The following TINCR variants were observed in gnomAD, a reference collection of about 807,000 sequenced individuals.
The protein encoded by TINCR is TINCR-encoded ubiquitin-like protein.
chr19:5,562,419 T>C (rs1465170613), downstream of TINCR: 1 of 152,504 alleles, frequency 6.6e-6, no homozygotes, highest in East Asian at 1.9e-4. The surrounding 1 kb of genome is among the most constrained non-coding windows in gnomAD (Gnocchi z 4.4). Context: ...TCCTTGCCTC[T>C]GCTCACGATT....
intron 1 of TINCR, among the ~76,000 whole-genome samples, chr19:5,566,577 A>G (rs2052130576): frequency 6.6e-6 from 1 of 151,886 alleles, no homozygotes; most frequent in African/African-American, 2.4e-5. Context: ...AGGGACACAG[A>G]GACAGAGACA....
At chr19:5,566,217 CACCAGAGAGATAAAG>C (rs2052127875) in intron 1 of TINCR, among the ~76,000 whole-genome samples, 6 of 151,934 alleles carry the variant, frequency 3.9e-5, no homozygotes, top group Non-Finnish European at 7.4e-5. Context: ...AATGCAGAGA[CACCAGAGAGATAAAG>C]AGACACAGAC....
downstream of TINCR, chr19:5,561,120 G>A (rs2052099983): frequency 6.5e-6 from 1 of 153,938 alleles, no homozygotes; most frequent in South Asian, 2.1e-4. Context: ...CCCCTTCTGT[G>A]CTTCTCTTCT....
exon 1 of TINCR, chr19:5,567,691 C>G (rs1445164412): frequency 2.6e-6 from 1 of 387,386 alleles, no homozygotes; most frequent in Non-Finnish European, 4.6e-6. Context: ...GCAGCAGCAC[C>G]GAGCCGTCCT....
chr19:5,565,260 A>G lies in TINCR; in HGVS notation c.261-2311T>C, dbSNP rs1599203885. Among the ~76,000 whole-genome samples, 1 of 151,802 alleles carries G rather than the reference A, an allele frequency of 6.6e-6. No individual in the cohort carries two copies. The highest frequency in any genetic ancestry group is 6.6e-5 in the Admixed American group (1 of 15,230). On this transcript the variant is annotated intron_variant, in intron 1 of 1. Coordinates refer to ENST00000646160, the Ensembl canonical transcript of TINCR. This position sits in a 1 kb window ranked among gnomAD's most constrained non-coding sequence, Gnocchi z 4.0. The stretch of plus-strand genomic sequence containing the variant: ...ACAGGCTGTTCCTACTGCCTGGAAC[A>G]CCCTTCCCTGACTCTCTGTTTAACC...
downstream of TINCR, chr19:5,562,010 C>T (rs941331781): frequency 5.9e-5 from 9 of 152,588 alleles, no homozygotes; most frequent in African/African-American, 2.2e-4. This position sits in a 1 kb window ranked among gnomAD's most constrained non-coding sequence, Gnocchi z 4.4. Flanking sequence ...CTCTCTGGGC[C>T]TCAGTTTCCC....
At chr19:5,566,619 G>A (rs1432865925) in intron 1 of TINCR, among the ~76,000 whole-genome samples, 1 of 151,766 alleles carries the variant, frequency 6.6e-6, no homozygotes, top group East Asian at 1.9e-4. Flanking sequence ...AGCAGAGACA[G>A]AGACAAATGG....
chr19:5,566,975 G>C (rs2052133085), intron 1 of TINCR, among the ~76,000 whole-genome samples: 1 of 151,628 alleles, frequency 6.6e-6, no homozygotes, highest in African/African-American at 2.4e-5. Context: ...CAGAGACAGA[G>C]ACAATCACAG....
chr19:5,566,734 G>A (rs191937655), intron 1 of TINCR, among the ~76,000 whole-genome samples: 74 of 151,128 alleles, frequency 4.9e-4, no homozygotes, highest in Admixed American at 1.1e-3. Flanking sequence ...GACACAGAGA[G>A]ACACAAGGAG....
At chr19:5,566,874 G>C (rs2052132562) in intron 1 of TINCR, among the ~76,000 whole-genome samples, 1 of 151,748 alleles carries the variant, frequency 6.6e-6, no homozygotes, top group Admixed American at 6.6e-5. Flanking sequence ...AGACAGAAAA[G>C]AGAGAGGGAG....
rs889995104 is a variant in TINCR, at chr19:5,563,486, T to C, written c.261-537A>G. Among the ~76,000 whole-genome samples the C allele has an allele frequency of 6.6e-6, 1 of 152,172 alleles. No homozygotes were observed. Among genetic ancestry groups the C allele is most frequent in the Non-Finnish European group, 1.5e-5 (1 of 68,030 alleles). Reference sequence around the variant, plus strand: ...TCAATAAAATCAGAATAATAACAACTGTTCCCACTAATGGAGCAGGGAGAA... The same window carrying C: ...TCAATAAAATCAGAATAATAACAACCGTTCCCACTAATGGAGCAGGGAGAA... On this transcript the variant is annotated intron_variant, in intron 1 of 1. Transcript: ENST00000646160. This position sits in a 1 kb window ranked among gnomAD's most constrained non-coding sequence, Gnocchi z 4.7.
Position 5,565,455 on chromosome 19 carries a change from G to A in TINCR, c.260+2210C>T, listed in dbSNP as rs1327163746. On this transcript the variant is annotated intron_variant, in intron 1 of 1. Coordinates refer to ENST00000646160, the Ensembl canonical transcript of TINCR. This position sits in a 1 kb window ranked among gnomAD's most constrained non-coding sequence, Gnocchi z 4.0. ...TGAAGGCGAAATCTGGTCTCTCTGG[G>A]TCACTGCTGAATTTCAGTGTCCAGC... 1.3e-5 allele frequency among the ~76,000 whole-genome samples: 2 copies of A among 152,150 alleles called. No individual in the cohort carries two copies.
downstream of TINCR, chr19:5,561,255 G>A (rs1481395789): frequency 6.5e-6 from 1 of 153,886 alleles, no homozygotes; most frequent in African/African-American, 2.4e-5. Context: ...GAGCTGAAAG[G>A]CTCAAGGCTC....
At position 5,564,916 on chromosome 19, in the gene TINCR, A is replaced by G. The variant is rs969487375; in HGVS notation, c.261-1967T>C. Among the ~76,000 whole-genome samples the G allele has an allele frequency of 3.9e-5, 6 of 152,132 alleles. No homozygotes were observed. In the South Asian group the frequency reaches 1.2e-3, roughly 32 times the overall value. On this transcript the variant is annotated intron_variant, in intron 1 of 1. Transcript: ENST00000646160. ...CTGAAGGCTTCTGTTCTCTGCCTCCAGCATGGCTCACTGGGACCTCACCCT... is the reference window on the plus strand; with the variant it reads ...CTGAAGGCTTCTGTTCTCTGCCTCCGGCATGGCTCACTGGGACCTCACCCT...
chr19:5,560,479 G>A (rs993851349), downstream of TINCR: 1 of 152,272 alleles, frequency 6.6e-6, no homozygotes, highest in African/African-American at 2.4e-5. The surrounding 1 kb of genome is among the most constrained non-coding windows in gnomAD (Gnocchi z 4.5). Context: ...CCCTCCCCAG[G>A]GGCTGCGCAA....
In TINCR at chr19:5,565,349, C is replaced by G. The variant is rs2052122993; in HGVS notation, c.260+2316G>C. 6.6e-6 allele frequency among the ~76,000 whole-genome samples: 1 copy of G among 152,144 alleles called. No homozygotes were observed. Among genetic ancestry groups the G allele is most frequent in the Non-Finnish European group, 1.5e-5 (1 of 68,016 alleles). On this transcript the variant is annotated intron_variant, in intron 1 of 1. Transcript: ENST00000646160. This position sits in a 1 kb window ranked among gnomAD's most constrained non-coding sequence, Gnocchi z 4.0. ...GAGAGGCGTCCCCCAGTCACTGATC[C>G]CTCTCCACCTTCCCTGCATCCCCCA... is the stretch of plus-strand genomic sequence containing the variant.
downstream of TINCR, chr19:5,558,567 T>G (rs953490765): frequency 6.6e-6 from 1 of 152,280 alleles, no homozygotes; most frequent in Non-Finnish European, 1.5e-5. Context: ...GTGAGCTTTC[T>G]CCAGATCCAA....
In TINCR at chr19:5,565,169, C is replaced by T. The variant is rs2052122050; in HGVS notation, c.261-2220G>A. ...CTTCCTCCCTCTCTCCCCCTTGCTC[C>T]AGCCACACGGGCCTCCTCGCTGTTC... On this transcript the variant is annotated intron_variant, in intron 1 of 1. Coordinates refer to ENST00000646160, the Ensembl canonical transcript of TINCR. The surrounding 1 kb of genome is among the most constrained non-coding windows in gnomAD (Gnocchi z 4.0). Among the ~76,000 whole-genome samples the T allele has an allele frequency of 6.6e-6, 1 of 152,148 alleles. No individual in the cohort carries two copies. The highest frequency in any genetic ancestry group is 2.4e-5 in the African/African-American group (1 of 41,446).
chr19:5,566,495 G>A (rs933495148), intron 1 of TINCR, among the ~76,000 whole-genome samples: 1 of 150,734 alleles, frequency 6.6e-6, no homozygotes, highest in Admixed American at 6.6e-5. Flanking sequence ...CACAGAGAGA[G>A]ACAGAGACAA....
Sources: allele counts gnomAD v4.1 joint callset (sites outside exome capture counted in the v4.1 genomes callset), GRCh38; gene constraint gnomAD v4.1.1; non-coding constraint Gnocchi (gnomAD v3.1); transcripts MANE v1.5; gene names NCBI Gene and HGNC (gene_info 2026-07-23, HGNC 2026-07-21).